PALLD: variants seen among roughly 807,000 people sequenced by gnomAD.
The protein encoded by PALLD is palladin.
A neutral mutation model predicts 123.5 loss-of-function variants in PALLD; 61 were observed. The ratio of observed to expected loss-of-function variants is 0.49; its 90% CI spans 0.40 to 0.61. The LOEUF (loss-of-function observed/expected upper bound fraction) is 0.61. PALLD is among the 20% of genes least tolerant of loss of function. PALLD has a pLI of 0.00. For synonymous variants in PALLD, 465 were observed against 496.4 expected (o/e 0.94, Z 0.84); for missense variants, 1,273 against 1,377.0 (o/e 0.92, Z 1.20).
At position 168,867,003 on chromosome 4, in the gene PALLD, C is replaced by A. The variant is rs921688874; in HGVS notation, c.1965-23919C>A. ...TGCACATGGTAAATATAAGATAAGT[C>A]GTGGTGCTTTGGTTAGAGACATGGT... On this transcript the variant is annotated intron_variant, in intron 10 of 21. Transcript: ENST00000505667. Among the ~76,000 whole-genome samples the A allele has an allele frequency of 4.6e-5, 7 of 152,280 alleles. No individual in the cohort carries two copies. In the South Asian group the frequency reaches 8.3e-4, roughly 18 times the overall value.
intron 1 of PALLD, among the ~76,000 whole-genome samples, chr4:168,499,682 G>T (rs1390148433): frequency 6.6e-6 from 1 of 151,996 alleles, no homozygotes; most frequent in Admixed American, 6.6e-5. Context: ...CCCCACAGAG[G>T]TCAGTGTTGA....
chr4:168,647,298 A>G (rs568254443), intron 2 of PALLD, among the ~76,000 whole-genome samples: 5 of 152,216 alleles, frequency 3.3e-5, no homozygotes, highest in African/African-American at 1.2e-4. Context: ...TAGGCTGACT[A>G]TAAAGACAAC....
chr4:168,600,238 TTA>T (rs1055717994), intron 2 of PALLD, among the ~76,000 whole-genome samples: 1 of 152,206 alleles, frequency 6.6e-6, no homozygotes, highest in Non-Finnish European at 1.5e-5. Context: ...AGTTTACATA[TTA>T]TATTTATACA....
chr4:168,794,308 G>A (rs1224706476), intron 10 of PALLD, among the ~76,000 whole-genome samples: 1 of 152,122 alleles, frequency 6.6e-6, no homozygotes, highest in East Asian at 1.9e-4. Flanking sequence ...AAATTCCAAG[G>A]GACTTACTCA....
chr4:168,745,430 G>A (rs1185600058), intron 10 of PALLD, among the ~76,000 whole-genome samples: 3 of 141,176 alleles, frequency 2.1e-5, no homozygotes, highest in East Asian at 2.5e-4. Flanking sequence ...AGATGGGAGG[G>A]GGGGGCAAAT....
At chr4:168,548,609 G>C (rs779335473) in intron 2 of PALLD, among the ~76,000 whole-genome samples, 1 of 152,062 alleles carries the variant, frequency 6.6e-6, no homozygotes, top group Non-Finnish European at 1.5e-5. Flanking sequence ...GCATTATCAG[G>C]GAAATCTAAT....
rs34003798 is a variant in PALLD at position 168,816,413 on chromosome 4, A to ATAT, written c.1965-74508_1965-74507insATT. On this transcript the variant is annotated intron_variant, in intron 10 of 21. Coordinates refer to ENST00000505667, the MANE Select transcript of PALLD (RefSeq NM_001166108.2). The stretch of plus-strand genomic sequence containing the variant: ...TGTATATATATATATATATATATAT[A>ATAT]TTTTTTTTAAGTATTAGATTGGAGT... 2.0e-3 allele frequency among the ~76,000 whole-genome samples: 275 copies of ATAT among 135,992 alleles called. 1 individual carries two copies. Among genetic ancestry groups the ATAT allele is most frequent in the African/African-American group, 7.4e-3 (244 of 33,186 alleles). 89.2% of individuals were successfully genotyped at this position (135,992 alleles called of 152,430 possible). A position where few individuals can be genotyped will look rare whatever the true frequency, so the allele number is the denominator to read the frequency against.
At chr4:168,581,915 C>T (rs1171975359) in intron 2 of PALLD, among the ~76,000 whole-genome samples, 1 of 151,982 alleles carries the variant, frequency 6.6e-6, no homozygotes, top group Non-Finnish European at 1.5e-5. Flanking sequence ...CTTGAATTCA[C>T]TTTTAGTTGA....
rs1035911742 is a variant in PALLD, at chr4:168,844,597, C to T, written c.1965-46325C>T. ...AAGACCCTGTGATTTCTGTGGTATT[C>T]TAATTTTATCTGAGATTTATTAGAA... On this transcript the variant is annotated intron_variant, in intron 10 of 21. Transcript: ENST00000505667. This position sits in a 1 kb window ranked among gnomAD's most constrained non-coding sequence, Gnocchi z 4.5. The T allele has an allele frequency of 2.6e-5, 4 of 152,068 alleles. No individual in the cohort carries two copies. Among genetic ancestry groups the T allele is most frequent in the Admixed American group, 1.3e-4 (2 of 15,260 alleles). 9.4% of individuals were successfully genotyped at this position (152,068 alleles called of 1,614,324 possible).
chr4:168,851,065 C>A (rs1273321770), intron 10 of PALLD, among the ~76,000 whole-genome samples: 1 of 152,162 alleles, frequency 6.6e-6, no homozygotes, highest in African/African-American at 2.4e-5. Context: ...AGCACACACA[C>A]AGCTTCCTAC....
rs1746600608 is a variant in PALLD, at chr4:168,844,971, C to T, written c.1965-45951C>T. On this transcript the variant is annotated intron_variant, in intron 10 of 21. Transcript: ENST00000505667. This position sits in a 1 kb window ranked among gnomAD's most constrained non-coding sequence, Gnocchi z 4.5. Reference sequence around the variant, plus strand: ...TCCTCTGAGGAGGGACTGACCAGCTCTGCCTGGGGGAGTAAGGAGAAGCTT... The same window carrying T: ...TCCTCTGAGGAGGGACTGACCAGCTTTGCCTGGGGGAGTAAGGAGAAGCTT... 6.6e-6 allele frequency among the ~76,000 whole-genome samples: 1 copy of T among 152,112 alleles called. No individual in the cohort carries two copies. The highest frequency in any genetic ancestry group is 1.5e-5 in the Non-Finnish European group (1 of 68,020).
rs34328020 is a variant in PALLD at position 168,681,540 on chromosome 4, A to ATTTTTTTTTT, written c.1154+156_1154+165dup. 87 of 340,336 alleles carry ATTTTTTTTTT rather than the reference A, an allele frequency of 2.6e-4. 1 individual carries two copies. Among genetic ancestry groups the ATTTTTTTTTT allele is most frequent in the African/African-American group, 8.2e-4 (26 of 31,682 alleles). The allele number at this position is 340,336 out of a possible 1,614,324, so 21.1% of individuals were successfully genotyped here. ...GATCAAATACTGAGGTTGGAACACAATTTTTTTTTTTTTTTTTTTTTTTGA... is the reference window on the plus strand; with the variant it reads ...GATCAAATACTGAGGTTGGAACACAATTTTTTTTTTTTTTTTTTTTTTTTTTTTTTTTTGA... On this transcript the variant is annotated intron_variant, in intron 4 of 21. Transcript: ENST00000505667.
chr4:168,829,523 G>A (rs1023867765), intron 10 of PALLD, among the ~76,000 whole-genome samples: 5 of 152,104 alleles, frequency 3.3e-5, no homozygotes, highest in South Asian at 2.1e-4. Flanking sequence ...TTTAAGAAGC[G>A]TAACTTAAAA....
chr4:168,793,686 T>G (rs1737972664), intron 10 of PALLD, among the ~76,000 whole-genome samples: 1 of 152,080 alleles, frequency 6.6e-6, no homozygotes, highest in Non-Finnish European at 1.5e-5. Flanking sequence ...CAATCAACAT[T>G]GGACATGTCG....
At chr4:168,796,289 A>G (rs1738492941) in intron 10 of PALLD, among the ~76,000 whole-genome samples, 1 of 152,092 alleles carries the variant, frequency 6.6e-6, no homozygotes, top group Non-Finnish European at 1.5e-5. Context: ...GTTTCTTGAG[A>G]ATAATTGTTG....
intron 10 of PALLD, among the ~76,000 whole-genome samples, chr4:168,850,361 G>A (rs1260724177): frequency 4.0e-5 from 6 of 151,836 alleles, no homozygotes; most frequent in Admixed American, 3.9e-4. Context: ...TTTTAATATG[G>A]TATGTCCAGG....
At chr4:168,744,851 A>C (rs1429631698) in intron 10 of PALLD, among the ~76,000 whole-genome samples, 1 of 152,228 alleles carries the variant, frequency 6.6e-6, no homozygotes, top group Non-Finnish European at 1.5e-5. Context: ...GAGTTTGTCC[A>C]ACTGTAGGCT....
At chr4:168,701,687 G>A (rs1783684710) in intron 8 of PALLD, among the ~76,000 whole-genome samples, 1 of 152,184 alleles carries the variant, frequency 6.6e-6, no homozygotes, top group Non-Finnish European at 1.5e-5. Flanking sequence ...CATTGAACTG[G>A]CAAGGACATT....
At chr4:168,503,648 AAAAAAAAAAAAAAG>A (rs1761674297) in intron 1 of PALLD, among the ~76,000 whole-genome samples, 1 of 74,388 alleles carries the variant, frequency 1.3e-5, no homozygotes, top group African/African-American at 1.0e-4. Flanking sequence ...CTCCATCTCA[AAAAAAAAAAAAAAG>A]AAAAAGAAAA....
Sources: allele counts gnomAD v4.1 joint callset (sites outside exome capture counted in the v4.1 genomes callset), GRCh38; gene constraint gnomAD v4.1.1; non-coding constraint Gnocchi (gnomAD v3.1); transcripts MANE v1.5; gene names NCBI Gene and HGNC (gene_info 2026-07-23, HGNC 2026-07-21).